GTPBP10: variants seen among roughly 807,000 people sequenced by gnomAD.
GTPBP10 encodes GTP binding protein 10.
Under a neutral mutation model 44.8 loss-of-function variants are expected in GTPBP10, and 38 were observed. The ratio of observed to expected loss-of-function variants is 0.85; its 90% confidence interval spans 0.65 to 1.11. GTPBP10 has a LOEUF of 1.11. Among genes scored for constraint, GTPBP10 ranks in the 50% most tolerant of loss-of-function variants. The probability of loss-of-function intolerance (pLI) is 0.00; values close to 1 mark genes in which losing one functional copy is unlikely to be tolerated. For synonymous variants in GTPBP10, 152 were observed against 150.6 expected, an observed-to-expected ratio of 1.01 and a Z score of -0.07; for missense variants, 462 against 453.7, an observed-to-expected ratio of 1.02 and a Z score of -0.17.
chr7:90,359,363 C>T (rs1274381548), intron 4 of GTPBP10, among the ~76,000 whole-genome samples: 1 of 152,028 alleles, frequency 6.6e-6, no homozygotes, highest in Non-Finnish European at 1.5e-5. Flanking sequence ...CCTTGTTCAG[C>T]TCCCACTTAA....
At chr7:90,351,180 A>G (rs1433212499) in intron 1 of GTPBP10, among the ~76,000 whole-genome samples, 1 of 152,232 alleles carries the variant, frequency 6.6e-6, no homozygotes, top group Admixed American at 6.5e-5. Flanking sequence ...TGCAGTTATG[A>G]TTTAATACTG....
Position 90,386,847 on chromosome 7 carries a change from A to G in GTPBP10, c.*1693A>G, listed in dbSNP as rs1005279156. On this transcript the variant is annotated 3_prime_UTR_variant, in exon 10 of 10. Transcript: ENST00000222511. Reference sequence around the variant, plus strand: ...TATTGATTGTAAAAACAAAAAATTCAAATAGTACAAAAGCATATAAGTAAC... The same window carrying G: ...TATTGATTGTAAAAACAAAAAATTCGAATAGTACAAAAGCATATAAGTAAC... 1.3e-5 allele frequency: 2 copies of G among 152,224 alleles called. No homozygotes were observed. Among genetic ancestry groups the G allele is most frequent in the African/African-American group, 4.8e-5 (2 of 41,456 alleles). 9.4% of individuals were successfully genotyped at this position (152,224 alleles called of 1,614,324 possible).
Position 90,387,747 on chromosome 7 carries a change from A to G in GTPBP10, c.*2593A>G, listed in dbSNP as rs1211431994. ...CCTTGTATATCTTGCCTTTGATAAC[A>G]GAAACTGCAGGGGATTGGAATAGCC... On this transcript the variant is annotated 3_prime_UTR_variant, in exon 10 of 10. Transcript: ENST00000222511. 1 of 152,270 alleles carries G rather than the reference A, an allele frequency of 6.6e-6. No individual in the cohort carries two copies. Among genetic ancestry groups the G allele is most frequent in the Non-Finnish European group, 1.5e-5 (1 of 68,050 alleles). 9.4% of individuals were successfully genotyped at this position (152,270 alleles called of 1,614,324 possible).
At chr7:90,366,590 G>A (rs1796138439) in intron 4 of GTPBP10, among the ~76,000 whole-genome samples, 1 of 151,970 alleles carries the variant, frequency 6.6e-6, no homozygotes, top group Non-Finnish European at 1.5e-5. Flanking sequence ...ATTGTCTGAT[G>A]GTAATTTGTA....
At chr7:90,367,341 T>A (rs1423586916) in intron 4 of GTPBP10, among the ~76,000 whole-genome samples, 1 of 152,216 alleles carries the variant, frequency 6.6e-6, no homozygotes, top group African/African-American at 2.4e-5. Flanking sequence ...GATATCCTTG[T>A]TAACCTTCTG....
chr7:90,365,174 C>G (rs1025164412), intron 4 of GTPBP10, among the ~76,000 whole-genome samples: 18 of 152,096 alleles, frequency 1.2e-4, no homozygotes, highest in African/African-American at 4.1e-4. Flanking sequence ...GAGATGAACC[C>G]AGTACCTCAG....
rs1796505831 is a variant in GTPBP10, at chr7:90,385,331, G to T, written c.*177G>T. 4.1e-6 allele frequency: 2 copies of T among 491,604 alleles called. No individual in the cohort carries two copies. Among genetic ancestry groups the T allele is most frequent in the Non-Finnish European group, 7.0e-6 (2 of 285,790 alleles). The allele number at this position is 491,604 out of a possible 1,614,324, so 30.5% of individuals were successfully genotyped here. On this transcript the variant is annotated 3_prime_UTR_variant, in exon 10 of 10. Transcript: ENST00000222511. Reference sequence around the variant, plus strand: ...AACTCATAGAAGGAGAGAATAGAATGGTGGTTATCAAGGGCTGGTGGGGCA... The same window carrying T: ...AACTCATAGAAGGAGAGAATAGAATTGTGGTTATCAAGGGCTGGTGGGGCA...
rs952294675 is a variant in GTPBP10 at position 90,391,162 on chromosome 7, C to T, written c.*6008C>T. 2.0e-5 allele frequency: 3 copies of T among 152,264 alleles called. No individual in the cohort carries two copies. Among genetic ancestry groups the T allele is most frequent in the Non-Finnish European group, 4.4e-5 (3 of 68,020 alleles). 9.4% of individuals were successfully genotyped at this position (152,264 alleles called of 1,614,324 possible). ...CAATAAAATGAGCACACATGACCTT[C>T]CTTTCCTATAAAAATATGAAGCAGA... On this transcript the variant is annotated 3_prime_UTR_variant, in exon 10 of 10. Transcript: ENST00000222511.
chr7:90,368,691 T>C (rs1796187128), intron 4 of GTPBP10, among the ~76,000 whole-genome samples: 1 of 152,058 alleles, frequency 6.6e-6, no homozygotes, highest in South Asian at 2.1e-4. Flanking sequence ...TAGCCATTCG[T>C]CTAACCTTTT....
chr7:90,362,668 G>A (rs1253712759), intron 4 of GTPBP10, among the ~76,000 whole-genome samples: 2 of 152,156 alleles, frequency 1.3e-5, no homozygotes, highest in African/African-American at 4.8e-5. Context: ...GCAGAGCTGA[G>A]TTCAATTCCT....
intron 1 of GTPBP10, among the ~76,000 whole-genome samples, chr7:90,349,492 A>C (rs540984202): frequency 1.3e-5 from 2 of 152,286 alleles, no homozygotes; most frequent in South Asian, 4.1e-4. Context: ...GTACTTCCTG[A>C]CTTCAGGGAG....
chr7:90,373,842 T>C (rs1796301352), intron 5 of GTPBP10, among the ~76,000 whole-genome samples: 2 of 152,192 alleles, frequency 1.3e-5, no homozygotes, highest in African/African-American at 4.8e-5. Context: ...CCAAATACTA[T>C]TTATTCATTT....
intron 4 of GTPBP10, among the ~76,000 whole-genome samples, chr7:90,360,409 T>C (rs900653955): frequency 6.6e-6 from 1 of 152,228 alleles, no homozygotes; most frequent in East Asian, 1.9e-4. Context: ...CCTATCCCCA[T>C]TTCTTGTTTT....
At chr7:90,380,116 T>C (rs1313335238) in intron 8 of GTPBP10, among the ~76,000 whole-genome samples, 2 of 147,394 alleles carry the variant, frequency 1.4e-5, no homozygotes, top group Non-Finnish European at 1.5e-5. Context: ...TCTCACTCTG[T>C]CGCCTGGGCT....
intron 4 of GTPBP10, among the ~76,000 whole-genome samples, chr7:90,357,844 T>G (rs1336368970): frequency 6.6e-6 from 1 of 152,178 alleles, no homozygotes; most frequent in South Asian, 2.1e-4. Context: ...AATCAAAGCC[T>G]TTAAAATGAG....
Position 90,389,659 on chromosome 7 carries a change from A to G in GTPBP10, c.*4505A>G, listed in dbSNP as rs1483067898. On this transcript the variant is annotated 3_prime_UTR_variant, in exon 10 of 10. Coordinates refer to ENST00000222511, the MANE Select transcript of GTPBP10 (RefSeq NM_033107.4). ...AAATGTCTATGCCTTATCAAAGTTT[A>G]TAACTCAAGAATTAATGAGATAAAC... is the stretch of plus-strand genomic sequence containing the variant. 1 of 152,242 alleles carries G rather than the reference A, an allele frequency of 6.6e-6. No homozygotes were observed. Among genetic ancestry groups the G allele is most frequent in the East Asian group, 1.9e-4 (1 of 5,200 alleles). 9.4% of individuals were successfully genotyped at this position (152,242 alleles called of 1,614,324 possible). A position where few individuals can be genotyped will look rare whatever the true frequency, so the allele number is the denominator to read the frequency against.
At chr7:90,362,857 T>G (rs1796054399) in intron 4 of GTPBP10, among the ~76,000 whole-genome samples, 1 of 152,254 alleles carries the variant, frequency 6.6e-6, no homozygotes, top group South Asian at 2.1e-4. Context: ...TTAGCTCTTC[T>G]TGTTGAATTG....
chr7:90,355,272 A>C, intron 4 of GTPBP10, 42 bp downstream of exon 4: 1 of 1,253,514 alleles, frequency 8.0e-7, no homozygotes, highest in Middle Eastern at 2.9e-4. Context: ...TTTCAGAGAG[A>C]GAGTTCTTGA....
intron 4 of GTPBP10, among the ~76,000 whole-genome samples, chr7:90,369,017 C>A (rs1796194728): frequency 6.6e-6 from 1 of 152,184 alleles, no homozygotes; most frequent in Non-Finnish European, 1.5e-5. Context: ...CTATTCCTTT[C>A]TGTTTGTTAG....
Sources: allele counts gnomAD v4.1 joint callset (sites outside exome capture counted in the v4.1 genomes callset), GRCh38; gene constraint gnomAD v4.1.1; transcripts MANE v1.5; gene names NCBI Gene and HGNC (gene_info 2026-07-23, HGNC 2026-07-21).